WWOX: variants seen among roughly 807,000 people sequenced by gnomAD.
The protein encoded by WWOX is WW domain-containing oxidoreductase.
WWOX carries 69 observed loss-of-function variants against 46.2 expected under a neutral mutation model. That is an observed-to-expected ratio of 1.49 (90% CI 1.23 to 1.82). The LOEUF (loss-of-function observed/expected upper bound fraction) is 1.82, where lower values mean the gene tolerates loss of function less well. Ranked by LOEUF, WWOX falls within the 40% of genes most tolerant of loss-of-function variation. The pLI is 0.00. For synonymous variants in WWOX, 359 were observed against 202.6 expected, an observed-to-expected ratio of 1.77 and a Z score of -6.56; for missense variants, 919 against 542.6, an observed-to-expected ratio of 1.69 and a Z score of -6.89.
At chr16:79,201,074 G>A (rs1366865030) in intron 8 of WWOX, among the ~76,000 whole-genome samples, 2 of 152,050 alleles carry the variant, frequency 1.3e-5, no homozygotes, top group Admixed American at 6.6e-5. Flanking sequence ...TTATTATGTC[G>A]ACTTTCCAGA....
At chr16:78,852,973 A>G (rs2052483158) in intron 8 of WWOX, among the ~76,000 whole-genome samples, 1 of 152,158 alleles carries the variant, frequency 6.6e-6, no homozygotes, top group African/African-American at 2.4e-5. Context: ...ACTGCAATTT[A>G]TATCTTGCCC....
chr16:79,034,218 C>G (rs1181898642), intron 8 of WWOX, among the ~76,000 whole-genome samples: 1 of 152,142 alleles, frequency 6.6e-6, no homozygotes, highest in Non-Finnish European at 1.5e-5. Flanking sequence ...ATTAATTCTC[C>G]TAAAAAGCCT....
intron 8 of WWOX, among the ~76,000 whole-genome samples, chr16:78,642,097 C>G (rs985100363): frequency 1.3e-5 from 2 of 152,140 alleles, no homozygotes; most frequent in African/African-American, 4.8e-5. Context: ...AGGAGACTGT[C>G]TGTCCCCCAA....
intron 8 of WWOX, among the ~76,000 whole-genome samples, chr16:78,474,515 T>A (rs1450923696): frequency 6.6e-6 from 1 of 152,258 alleles, no homozygotes; most frequent in African/African-American, 2.4e-5. Flanking sequence ...CTTGTTTGCT[T>A]TTCTTTAAAG....
intron 8 of WWOX, among the ~76,000 whole-genome samples, chr16:78,681,761 G>A (rs547920658): frequency 5.3e-5 from 8 of 152,326 alleles, no homozygotes; most frequent in South Asian, 2.1e-4. Context: ...AAAGGCGTGC[G>A]CAGTGACTCT....
chr16:78,392,405 C>G (rs112033704), intron 6 of WWOX, among the ~76,000 whole-genome samples: 1 of 152,050 alleles, frequency 6.6e-6, no homozygotes, highest in South Asian at 2.1e-4. Flanking sequence ...AGGGCTCCCA[C>G]CGATTGTACA....
intron 5 of WWOX, among the ~76,000 whole-genome samples, chr16:78,239,675 C>T (rs1036754340): frequency 6.6e-6 from 1 of 152,068 alleles, no homozygotes; most frequent in Non-Finnish European, 1.5e-5. Context: ...GGTGGGTCTA[C>T]AGTCACATGC....
rs138207154 is a variant in WWOX at position 78,800,148 on chromosome 16, C to G, written c.1056+367396C>G. Among the ~76,000 whole-genome samples, 154 of 151,994 alleles carry G rather than the reference C, an allele frequency of 1.0e-3. 1 individual carries two copies. Among genetic ancestry groups the G allele is most frequent in the South Asian group, 3.9e-3 (19 of 4,812 alleles). ...TGCACTAAAAACAGGGTTAGAATAT[C>G]TTCAATGCAATTATAAAAATGTATT... On this transcript the variant is annotated intron_variant, in intron 8 of 8. Coordinates refer to ENST00000566780, the MANE Select transcript of WWOX (RefSeq NM_016373.4).
intron 8 of WWOX, among the ~76,000 whole-genome samples, chr16:78,820,844 T>G (rs1171556543): frequency 1.3e-5 from 2 of 152,142 alleles, no homozygotes; most frequent in African/African-American, 2.4e-5. Flanking sequence ...GTCTCCTGGT[T>G]TCTGGTGACT....
intron 8 of WWOX, among the ~76,000 whole-genome samples, chr16:78,803,768 T>C (rs986173272): frequency 2.0e-5 from 3 of 152,182 alleles, no homozygotes; most frequent in African/African-American, 7.2e-5. Flanking sequence ...CTAAATGGCA[T>C]TCTTGGAAGT....
At chr16:78,878,882 A>G (rs2044284956) in intron 8 of WWOX, among the ~76,000 whole-genome samples, 1 of 134,796 alleles carries the variant, frequency 7.4e-6, no homozygotes, top group African/African-American at 2.8e-5. Context: ...ATAGCAAAAT[A>G]CTATCTCTAC....
chr16:78,463,043 C>A (rs565791634), intron 8 of WWOX, among the ~76,000 whole-genome samples: 46 of 152,272 alleles, frequency 3.0e-4, no homozygotes, highest in African/African-American at 1.1e-3. Context: ...GCTCATTGAT[C>A]TTTTGTTTTA....
rs900209396 is a variant in WWOX at position 78,536,700 on chromosome 16, T to C, written c.1056+103948T>C. Among the ~76,000 whole-genome samples, 9 of 152,166 alleles carry C rather than the reference T, an allele frequency of 5.9e-5. No homozygotes were observed. In the South Asian group the frequency reaches 1.2e-3, roughly 21 times the overall value. On this transcript the variant is annotated intron_variant, in intron 8 of 8. Coordinates refer to ENST00000566780, the MANE Select transcript of WWOX (RefSeq NM_016373.4). ...CCAGCTAAAGTGTGGTCTCTGATGC[T>C]GATCATGACTATGAAAAGGGAAAAT...
chr16:78,564,577 A>C (rs542188971), intron 8 of WWOX, among the ~76,000 whole-genome samples: 1 of 152,196 alleles, frequency 6.6e-6, no homozygotes, highest in African/African-American at 2.4e-5. Context: ...GAGGTCTCAT[A>C]TCAAGAAAAG....
intron 8 of WWOX, among the ~76,000 whole-genome samples, chr16:78,606,074 A>G (rs2045749491): frequency 6.6e-6 from 1 of 152,242 alleles, no homozygotes; most frequent in African/African-American, 2.4e-5. Context: ...CCCAAATTAA[A>G]GACACTGTTC....
At chr16:78,296,456 G>A (rs1370653444) in intron 5 of WWOX, among the ~76,000 whole-genome samples, 1 of 151,408 alleles carries the variant, frequency 6.6e-6, no homozygotes, top group African/African-American at 2.4e-5. Context: ...CGCCTTCGAT[G>A]AGCAAAACAT....
Position 78,577,173 on chromosome 16 carries a change from A to G in WWOX, c.1056+144421A>G, listed in dbSNP as rs540265896. Among the ~76,000 whole-genome samples, 3 of 152,302 alleles carry G rather than the reference A, an allele frequency of 2.0e-5. No individual in the cohort carries two copies. The South Asian group carries it at 6.2e-4, about 32-fold the overall frequency. On this transcript the variant is annotated intron_variant, in intron 8 of 8. Coordinates refer to ENST00000566780, the MANE Select transcript of WWOX (RefSeq NM_016373.4). The stretch of plus-strand genomic sequence containing the variant: ...AAACTTAACACATCCCATCACTTTG[A>G]TTGGCTAAAGTCAGTTACATAACCA...
At chr16:78,770,011 T>TAC (rs1447918065) in intron 8 of WWOX, among the ~76,000 whole-genome samples, 1 of 151,988 alleles carries the variant, frequency 6.6e-6, no homozygotes, top group Non-Finnish European at 1.5e-5. Flanking sequence ...ACCTCTGTAC[T>TAC]ACAGCCTGGG....
chr16:78,862,971 T>C (rs1443138703), intron 8 of WWOX, among the ~76,000 whole-genome samples: 2 of 150,944 alleles, frequency 1.3e-5, no homozygotes, highest in Non-Finnish European at 3.0e-5. Context: ...TTTTTTTTTT[T>C]TTTTTTGAGA....
Sources: gnomAD v4.1 joint callset for allele counts (sites outside exome capture counted in the v4.1 genomes callset) on GRCh38, gnomAD v4.1.1 for gene constraint, MANE v1.5 for transcripts, NCBI Gene and HGNC (gene_info 2026-07-23, HGNC 2026-07-21) for gene names.